Variants in PODXL2 observed in about 807,000 individuals in gnomAD.
PODXL2 encodes the protein podocalyxin like 2, also known as podocalyxin-like protein 2.
In PODXL2, 17 loss-of-function variants were observed where a neutral mutation model predicts 53.4. The ratio of observed to expected loss-of-function variants is 0.32; its 90% CI spans 0.22 to 0.48. PODXL2 has a LOEUF of 0.48. PODXL2 is among the 20% of genes least tolerant of loss of function. The pLI, the probability that PODXL2 is intolerant of heterozygous loss-of-function variation, is 0.99. For missense variants in PODXL2, 673 were observed against 760.0 expected (o/e 0.89, Z 1.35); for synonymous variants, 311 against 306.7 (o/e 1.01, Z -0.15).
chr3:127,669,313 C>A, intron 6 of PODXL2, 111 bp downstream of exon 6: 1 of 736,812 alleles, frequency 1.4e-6, no homozygotes, highest in East Asian at 3.0e-5. Flanking sequence ...GAGTATAAGA[C>A]AGAGCGTGCT....
rs113336508 is a variant in PODXL2 at position 127,656,870 on chromosome 3, C to A, written c.350-3508C>A. 4.8e-3 allele frequency among the ~76,000 whole-genome samples: 727 copies of A among 151,908 alleles called. 2 individuals are homozygous for A. The highest frequency in any genetic ancestry group is 0.017 in the African/African-American group (693 of 41,422). On this transcript the variant is annotated intron_variant, in intron 2 of 7. Coordinates refer to ENST00000342480, the MANE Select transcript of PODXL2 (RefSeq NM_015720.4). Reference sequence around the variant, plus strand: ...GACCAGCCTGGGCAGTGTAGAGAGACCCTGTCTCTACAAATAATAAAAAAA... The same window carrying A: ...GACCAGCCTGGGCAGTGTAGAGAGAACCTGTCTCTACAAATAATAAAAAAA...
Position 127,660,738 on chromosome 3 carries a change from G to C in PODXL2, c.710G>C (p.Ser237Thr). 2 of 1,614,160 alleles carry C rather than the reference G, an allele frequency of 1.2e-6. No individual in the cohort carries two copies. Among genetic ancestry groups the C allele is most frequent in the Non-Finnish European group, 1.7e-6 (2 of 1,180,016 alleles). Residue 237 changes from serine to threonine, a missense_variant, in exon 3 of 8, where the codon AGC becomes ACC. Physicochemically the swap from Ser to Thr is moderately conservative, Grantham distance 58. This residue lies in a region of PODXL2 where 588 missense variants were observed against 668.3 expected (regional missense o/e 0.88). Transcript: ENST00000342480. ...DQASSGVEVE[S>T]SMGPSLLLPS... is the part of the protein sequence containing the mutation. ...GCCTCATCAGGTGTGGAGGTGGAGA[G>C]CAGCATGGGGCCCAGCTTGCTGCTG... is the stretch of plus-strand genomic sequence containing the variant.
At chr3:127,634,566 T>TA (rs141608633) in intron 1 of PODXL2, among the ~76,000 whole-genome samples, 33 of 127,650 alleles carry the variant, frequency 2.6e-4, no homozygotes, top group East Asian at 1.1e-3. Context: ...CTACTAAAAA[T>TA]AAAAAAAAAA....
rs146194618 is a variant in PODXL2, at chr3:127,634,441, G to A, written c.71-4804G>A. On this transcript the variant is annotated intron_variant, in intron 1 of 7. Coordinates refer to ENST00000342480, the MANE Select transcript of PODXL2 (RefSeq NM_015720.4). ...ACTCCATCTCAAAAAAAAAAAAGTTGACTGGGCACAGTGACTCACACCTGT... is the reference window on the plus strand; with the variant it reads ...ACTCCATCTCAAAAAAAAAAAAGTTAACTGGGCACAGTGACTCACACCTGT... Among the ~76,000 whole-genome samples, 336 of 140,640 alleles carry A rather than the reference G, an allele frequency of 2.4e-3. 1 individual carries two copies. The highest frequency in any genetic ancestry group is 8.6e-3 in the African/African-American group (324 of 37,492). 92.3% of individuals were successfully genotyped at this position (140,640 alleles called of 152,430 possible). A position where few individuals can be genotyped will look rare whatever the true frequency, so the allele number is the denominator to read the frequency against.
At chr3:127,663,780 A>G (rs1420196668) in intron 4 of PODXL2, among the ~76,000 whole-genome samples, 2 of 152,202 alleles carry the variant, frequency 1.3e-5, no homozygotes, top group East Asian at 3.9e-4. Flanking sequence ...TCATTGGGAA[A>G]TGGTACATGA....
At chr3:127,655,198 G>T (rs927344878) in intron 2 of PODXL2, among the ~76,000 whole-genome samples, 2 of 151,940 alleles carry the variant, frequency 1.3e-5, no homozygotes, top group Non-Finnish European at 2.9e-5. Context: ...CCCCCGCTTG[G>T]CCTCCCAAAG....
intron 1 of PODXL2, among the ~76,000 whole-genome samples, chr3:127,630,670 TG>T (rs1409234922): frequency 6.6e-6 from 1 of 152,144 alleles, no homozygotes; most frequent in African/African-American, 2.4e-5. Flanking sequence ...GTGCATGTCA[TG>T]GGAAGGCTCA....
intron 2 of PODXL2, among the ~76,000 whole-genome samples, chr3:127,647,648 C>T (rs1026449364): frequency 1.3e-5 from 2 of 152,198 alleles, no homozygotes; most frequent in Admixed American, 1.3e-4. Context: ...TGCCCTGTCC[C>T]ATCAGTCATG....
rs759091657 is a variant in PODXL2 at position 127,671,546 on chromosome 3, T to G, written c.1538T>G (p.Ile513Ser). 6.2e-7 allele frequency: 1 copy of G among 1,613,806 alleles called. No individual in the cohort carries two copies. The highest frequency in any genetic ancestry group is 1.1e-5 in the South Asian group (1 of 91,086). Reference sequence around the variant, plus strand: ...CTGGTGGTCATTGGGGCCATCTGCATCATCATCATTGCGCTTGGCCTGCTC... The same window carrying G: ...CTGGTGGTCATTGGGGCCATCTGCAGCATCATCATTGCGCTTGGCCTGCTC... ...VVLVVIGAIC[I>S]IIIALGLLYN... The change falls in exon 7 of 8, where the codon ATC (isoleucine) becomes AGC (serine). Residue 513 changes from isoleucine (I) to serine (S), a missense_variant. Ile to Ser is a moderately radical substitution (Grantham distance 142). Around this residue, in one of 3 missense-constraint regions of PODXL2, gnomAD observed 588 missense variants for 668.3 expected, o/e 0.88. Transcript: ENST00000342480.
In PODXL2 at chr3:127,671,294, C is replaced by T. The variant is rs139795870; in HGVS notation, c.1426-140C>T. ...CATGGGGTAGAGGCAAGCCCAGGCG[C>T]CAGGGAACTTCAGGAGCCGGGAGTG... On this transcript the variant is annotated intron_variant, in intron 6 of 7. Transcript: ENST00000342480. 8.7e-4 allele frequency: 640 copies of T among 733,190 alleles called. 3 individuals carry two copies. In the African/African-American group the frequency reaches 9.8e-3, roughly 11 times the overall value. The allele number at this position is 733,190 out of a possible 1,614,324, so 45.4% of individuals were successfully genotyped here.
intron 2 of PODXL2, 100 bp downstream of exon 2, chr3:127,639,623 C>G: frequency 8.7e-7 from 1 of 1,154,346 alleles, no homozygotes; most frequent in African/African-American, 1.5e-5. Context: ...TCTTCTCTCT[C>G]CCTACAGTTT....
intron 5 of PODXL2, 39 bp downstream of exon 5, chr3:127,668,636 G>A: frequency 2.7e-6 from 4 of 1,463,034 alleles, no homozygotes; most frequent in Non-Finnish European, 3.6e-6. Context: ...CAGGAGGGCA[G>A]TGGGAGGCGG....
intron 1 of PODXL2, among the ~76,000 whole-genome samples, chr3:127,633,472 TTGTGTGTGTGTG>T (rs60042269): frequency 2.1e-5 from 3 of 140,906 alleles, no homozygotes; most frequent in Non-Finnish European, 3.1e-5. Flanking sequence ...ATTACAAATT[TTGTGTGTGTGTG>T]TGTGTGTGTG....
chr3:127,669,078 G>T, intron 5 of PODXL2, 63 bp from the exon 6 acceptor site: 1 of 1,130,982 alleles, frequency 8.8e-7, no homozygotes, highest in Non-Finnish European at 1.3e-6. Flanking sequence ...CGGGGCCAGA[G>T]CCCTTGGAGG....
chr3:127,644,702 C>T (rs1040919979), intron 2 of PODXL2, among the ~76,000 whole-genome samples: 2 of 152,190 alleles, frequency 1.3e-5, no homozygotes, highest in Non-Finnish European at 2.9e-5. Flanking sequence ...CATTGAATAC[C>T]GGCTATGCAT....
In PODXL2 at chr3:127,651,640, G is replaced by A. The variant is rs370267139; in HGVS notation, c.350-8738G>A. ...GTGCCTGCCAGAGGGCTGAGGCCTCGTCAGGTAGCCTCCTGTGGTCCCTTC... is the reference window on the plus strand; with the variant it reads ...GTGCCTGCCAGAGGGCTGAGGCCTCATCAGGTAGCCTCCTGTGGTCCCTTC... On this transcript the variant is annotated intron_variant, in intron 2 of 7. Transcript: ENST00000342480. 1.1e-4 allele frequency among the ~76,000 whole-genome samples: 17 copies of A among 152,330 alleles called. No homozygotes were observed. The East Asian group carries it at 1.5e-3, about 14-fold the overall frequency.
intron 2 of PODXL2, among the ~76,000 whole-genome samples, chr3:127,648,847 C>T (rs138195250): frequency 0.011 from 1,582 of 139,244 alleles, 37 homozygotes; most frequent in African/African-American, 0.037. Flanking sequence ...GGCTGGAGTG[C>T]ACTGGTGCGA....
Position 127,669,791 on chromosome 3 carries a change from G to A in PODXL2, c.1425+589G>A, listed in dbSNP as rs960174338. Among the ~76,000 whole-genome samples the A allele has an allele frequency of 2.6e-5, 4 of 152,302 alleles. 1 individual carries two copies. Among genetic ancestry groups the A allele is most frequent in the South Asian group, 4.1e-4 (2 of 4,826 alleles). On this transcript the variant is annotated intron_variant, in intron 6 of 7. Coordinates refer to ENST00000342480, the MANE Select transcript of PODXL2 (RefSeq NM_015720.4). ...GTCTGCTGGCTGCCTGGCCCATCCC[G>A]ATCAACCTCTCCTACCCAGCTGCCG...
intron 2 of PODXL2, among the ~76,000 whole-genome samples, chr3:127,652,355 G>C (rs555915261): frequency 2.0e-5 from 3 of 152,124 alleles, no homozygotes; most frequent in Admixed American, 6.5e-5. Flanking sequence ...CACCAGGGGG[G>C]GCTGTGACTT....
Sources: allele counts gnomAD v4.1 joint callset (sites outside exome capture counted in the v4.1 genomes callset), GRCh38; gene constraint gnomAD v4.1.1; regional missense constraint gnomAD v4.1.1; transcripts MANE v1.5; gene names NCBI Gene and HGNC (gene_info 2026-07-23, HGNC 2026-07-21).